The following ABLIM3 variants were observed in gnomAD, a reference collection of about 807,000 sequenced individuals.
ABLIM3 encodes actin-binding LIM protein 3.
ABLIM3 carries 61 observed loss-of-function variants against 109.5 expected under a neutral mutation model. The observed-to-expected ratio is 0.56, with a 90% confidence interval of 0.45 to 0.69. The LOEUF is 0.69. ABLIM3 is among the 30% of genes least tolerant of loss of function. The pLI is 0.00. For synonymous variants in ABLIM3, 300 were observed against 324.8 expected (o/e 0.92, Z 0.82); for missense variants, 796 against 889.5 (o/e 0.89, Z 1.34).
chr5:149,201,120 C>A lies in ABLIM3; in HGVS notation c.448+692C>A, dbSNP rs548245761. 2.6e-5 allele frequency among the ~76,000 whole-genome samples: 4 copies of A among 152,242 alleles called. No individual in the cohort carries two copies. In the East Asian group the frequency reaches 5.8e-4, roughly 22 times the overall value. ...TTGGAGGGAAACTGAGGACCAGGAG[C>A]GCGCCTCAGAATGGTCATTCTAATT... On this transcript the variant is annotated intron_variant, in intron 5 of 23. Transcript: ENST00000309868.
At chr5:149,247,658 T>C in intron 17 of ABLIM3, 124 bp from the exon 18 acceptor site, 1 of 1,271,772 alleles carries the variant, frequency 7.9e-7, no homozygotes, top group East Asian at 2.4e-5. Context: ...GGAGGGACGC[T>C]GGGAAGGCAA....
At chr5:149,242,055 G>A (rs916011170) in intron 14 of ABLIM3, among the ~76,000 whole-genome samples, 1 of 152,158 alleles carries the variant, frequency 6.6e-6, no homozygotes, top group East Asian at 1.9e-4. Flanking sequence ...GCCCTAGAGG[G>A]GTCCCATCCT....
At chr5:149,174,390 C>T (rs1755736885) in intron 2 of ABLIM3, 1 of 152,132 alleles carries the variant, frequency 6.6e-6, no homozygotes, top group Non-Finnish European at 1.5e-5. Flanking sequence ...CCTTGGATTT[C>T]CCCGCAATAC....
intron 7 of ABLIM3, among the ~76,000 whole-genome samples, chr5:149,216,186 G>T (rs745729804): frequency 2.6e-5 from 4 of 152,124 alleles, no homozygotes; most frequent in East Asian, 1.9e-4. Flanking sequence ...TCTGTCCTTT[G>T]TGTGCCAGTC....
At chr5:149,149,159 G>T (rs563516359) in intron 2 of ABLIM3, among the ~76,000 whole-genome samples, 15 of 152,260 alleles carry the variant, frequency 9.9e-5, no homozygotes, top group African/African-American at 3.1e-4. Flanking sequence ...TGAGCTTTGG[G>T]GTATGGATTC....
At chr5:149,159,106 C>A (rs1183547655) in intron 2 of ABLIM3, among the ~76,000 whole-genome samples, 1 of 152,104 alleles carries the variant, frequency 6.6e-6, no homozygotes, top group Non-Finnish European at 1.5e-5. Flanking sequence ...TCAAAATAAT[C>A]CAAAGCTGGA....
At chr5:149,185,563 T>C (rs1756879305) in intron 3 of ABLIM3, among the ~76,000 whole-genome samples, 1 of 152,134 alleles carries the variant, frequency 6.6e-6, no homozygotes, top group Non-Finnish European at 1.5e-5. Context: ...AATTTGGCCA[T>C]TTTCACATTT....
At chr5:149,151,688 G>T (rs572791612) in intron 2 of ABLIM3, among the ~76,000 whole-genome samples, 28 of 152,344 alleles carry the variant, frequency 1.8e-4, no homozygotes, top group African/African-American at 6.5e-4. Context: ...CAGTAATTTA[G>T]TATGTCCACA....
chr5:149,240,768 A>G lies in ABLIM3; in HGVS notation c.1297A>G (p.Ile433Val), dbSNP rs748244697. The change falls in exon 14 of 24, where the codon ATC becomes GTC. Residue 433 changes from isoleucine to valine, a missense_variant. By Grantham distance (29) the Ile-to-Val change is conservative. Coordinates refer to ENST00000309868, the MANE Select transcript of ABLIM3 (RefSeq NM_014945.5). The stretch of plus-strand genomic sequence containing the variant: ...TTACCAGGCTCCCAAGCACTTTCAC[A>G]TCCCAGGTAGGCACTGCCAGCCCAG... Reference protein sequence around the residue: ...TSYQAPKHFHIPAGDSNIYRK... With the variant: ...TSYQAPKHFHVPAGDSNIYRK... 1.3e-5 allele frequency: 21 copies of G among 1,613,798 alleles called. No homozygotes were observed. Among genetic ancestry groups the G allele is most frequent in the East Asian group, 4.5e-5 (2 of 44,878 alleles).
At chr5:149,194,338 T>C (rs894531850) in intron 3 of ABLIM3, among the ~76,000 whole-genome samples, 1 of 152,228 alleles carries the variant, frequency 6.6e-6, no homozygotes, top group Non-Finnish European at 1.5e-5. Context: ...TGATAAATGA[T>C]ATCATTTCAC....
intron 10 of ABLIM3, among the ~76,000 whole-genome samples, chr5:149,233,811 G>A (rs761598740): frequency 2.6e-5 from 4 of 152,208 alleles, no homozygotes; most frequent in Admixed American, 1.3e-4. Flanking sequence ...AATCATGTGG[G>A]AAGTCCAGGG....
chr5:149,166,902 T>G (rs1290718156), intron 2 of ABLIM3, among the ~76,000 whole-genome samples: 3 of 152,146 alleles, frequency 2.0e-5, no homozygotes, highest in African/African-American at 4.8e-5. Context: ...ACAAAGACAG[T>G]TAGTGGGACA....
At chr5:149,200,183 C>A in intron 4 of ABLIM3, 133 bp from the exon 5 acceptor site, 1 of 734,214 alleles carries the variant, frequency 1.4e-6, no homozygotes, top group Non-Finnish European at 2.4e-6. Context: ...TCACTGTGAA[C>A]AGCATTTGAA....
Position 149,258,270 on chromosome 5 carries a change from CG to C in ABLIM3, c.1939-20del. Reference sequence around the variant, plus strand: ...CTCTCTTTCTCTGTCCCCCCACCCCCGCCTGCCCTGCCTCCTTCAGCGCCAC... The same window carrying C: ...CTCTCTTTCTCTGTCCCCCCACCCCCCCTGCCCTGCCTCCTTCAGCGCCAC... On this transcript the variant is annotated intron_variant, in intron 23 of 23. Transcript: ENST00000309868. 1 of 1,609,630 alleles carries C rather than the reference CG, an allele frequency of 6.2e-7. No homozygotes were observed. The highest frequency in any genetic ancestry group is 1.7e-5 in the Admixed American group (1 of 59,422).
intron 9 of ABLIM3, among the ~76,000 whole-genome samples, chr5:149,232,244 T>C (rs1363549288): frequency 1.3e-5 from 2 of 152,330 alleles, no homozygotes; most frequent in African/African-American, 4.8e-5. Flanking sequence ...AGGCAGAGGT[T>C]GCAGTGAGTC....
At chr5:149,206,425 T>C (rs997034072) in intron 5 of ABLIM3, among the ~76,000 whole-genome samples, 5 of 152,192 alleles carry the variant, frequency 3.3e-5, no homozygotes, top group Admixed American at 2.6e-4. Flanking sequence ...ATTTGGCAAA[T>C]ATGCTTTGAG....
intron 16 of ABLIM3, among the ~76,000 whole-genome samples, chr5:149,246,217 C>T (rs1753339759): frequency 6.6e-6 from 1 of 152,010 alleles, no homozygotes; most frequent in African/African-American, 2.4e-5. Context: ...AAGAAGTCTT[C>T]ATTTAGAAAA....
chr5:149,143,134 G>A (rs755930057), intron 2 of ABLIM3, among the ~76,000 whole-genome samples: 21 of 152,206 alleles, frequency 1.4e-4, no homozygotes, highest in Middle Eastern at 3.4e-3. Context: ...GGAGGCAGAG[G>A]CAGGTGGATC....
At chr5:149,248,654 C>T (rs1232288272) in intron 18 of ABLIM3, among the ~76,000 whole-genome samples, 1 of 144,110 alleles carries the variant, frequency 6.9e-6, no homozygotes, top group African/African-American at 2.6e-5. Flanking sequence ...TGCACCACTG[C>T]ACTCCAGCCT....
Sources: allele counts gnomAD v4.1 joint callset (sites outside exome capture counted in the v4.1 genomes callset), GRCh38; gene constraint gnomAD v4.1.1; transcripts MANE v1.5; gene names NCBI Gene and HGNC (gene_info 2026-07-23, HGNC 2026-07-21).